CHID1: variants seen among roughly 807,000 people sequenced by gnomAD.
CHID1 encodes the protein chitinase domain-containing protein 1.
In CHID1, 44 loss-of-function variants were observed where a neutral mutation model predicts 55.4. That is an observed-to-expected ratio of 0.79 (90% CI 0.62 to 1.02). The LOEUF is 1.02. CHID1 is among the 50% of genes least tolerant of loss of function. The probability of loss-of-function intolerance (pLI) is 0.00; values close to 1 mark genes in which losing one functional copy is unlikely to be tolerated. For synonymous variants in CHID1, 216 were observed against 212.9 expected (o/e 1.01, Z -0.13); for missense variants, 491 against 515.3 (o/e 0.95, Z 0.46).
upstream of CHID1, chr11:914,610 G>A (rs532558726): frequency 4.8e-4 from 611 of 1,269,572 alleles, 5 homozygotes; most frequent in African/African-American, 8.4e-3. Flanking sequence ...GGCTCACGCC[G>A]TAATCCCAGC....
At chr11:898,329 C>G (rs989237586) in intron 7 of CHID1, among the ~76,000 whole-genome samples, 8 of 152,188 alleles carry the variant, frequency 5.3e-5, no homozygotes, top group African/African-American at 1.9e-4. Context: ...GCTCTTAAAG[C>G]CCAACCAGAA....
At chr11:895,233 C>G (rs903589174) in intron 7 of CHID1, among the ~76,000 whole-genome samples, 2 of 152,198 alleles carry the variant, frequency 1.3e-5, no homozygotes, top group Non-Finnish European at 2.9e-5. Flanking sequence ...CTGCAGGTAC[C>G]CACAGCTCCC....
At chr11:871,856 C>G (rs1468658059) in intron 10 of CHID1, among the ~76,000 whole-genome samples, 1 of 152,138 alleles carries the variant, frequency 6.6e-6, no homozygotes, top group East Asian at 1.9e-4. Flanking sequence ...TGCTCCTGCC[C>G]AGGAGTAGTG....
chr11:907,338 A>G (rs1852309746), intron 1 of CHID1, among the ~76,000 whole-genome samples: 1 of 152,148 alleles, frequency 6.6e-6, no homozygotes, highest in Admixed American at 6.5e-5. Context: ...AAAATTAGCC[A>G]GGCATGGTGG....
intron 8 of CHID1, 109 bp from the exon 9 acceptor site, chr11:884,278 A>T (rs1328916985): frequency 5.3e-6 from 4 of 747,808 alleles, no homozygotes; most frequent in Non-Finnish European, 8.8e-6. Flanking sequence ...ACTTTTCCCA[A>T]GGGGAAAAGT....
rs1230394922 is a variant in CHID1, at chr11:910,807, G to A, written c.-76C>T. The A allele has an allele frequency of 1.9e-5, 21 of 1,108,426 alleles. No homozygotes were observed. Among genetic ancestry groups the A allele is most frequent in the Non-Finnish European group, 2.3e-5 (21 of 902,198 alleles). The allele number at this position is 1,108,426 out of a possible 1,614,324, so 68.7% of individuals were successfully genotyped here. A position where few individuals can be genotyped will look rare whatever the true frequency, so the allele number is the denominator to read the frequency against. On this transcript the variant is annotated 5_prime_UTR_variant, in exon 1 of 13. Transcript: ENST00000323578. ...TCAGGGAGGCCGGACGGCCACAAAC[G>A]CACGGCCGGAAAACGCTCCAGCGCG...
intron 8 of CHID1, among the ~76,000 whole-genome samples, chr11:884,378 C>G (rs1173595691): frequency 6.6e-6 from 1 of 152,142 alleles, no homozygotes; most frequent in Non-Finnish European, 1.5e-5. Flanking sequence ...CATCGGGGCC[C>G]AGAGGCCTCT....
chr11:870,481 C>T lies in CHID1; in HGVS notation c.978G>A (p.Lys326=). 6.2e-7 allele frequency: 1 copy of T among 1,611,014 alleles called. No homozygotes were observed. Among genetic ancestry groups the T allele is most frequent in the Non-Finnish European group, 8.5e-7 (1 of 1,178,864 alleles). Residue 326 remains lysine, a synonymous_variant, in exon 11 of 13, where the codon AAG becomes AAA. Coordinates refer to ENST00000323578, the MANE Select transcript of CHID1 (RefSeq NM_023947.4). ...VVGARYIQTL[K]DHRPRMVWDS... is the part of the protein sequence containing the mutation. ...CCCACACCATCCGGGGCCTGTGGTC[C>T]TTCAGTGTCTGGATGTACCTGGGGA...
At chr11:890,129 C>T (rs1376854178) in intron 8 of CHID1, among the ~76,000 whole-genome samples, 3 of 152,250 alleles carry the variant, frequency 2.0e-5, no homozygotes, top group Admixed American at 2.0e-4. Context: ...CAGGCCTAGC[C>T]CGCTCCCTGA....
Position 869,226 on chromosome 11 carries a change from A to G in CHID1, c.*632T>C, listed in dbSNP as rs1012213704. 56 of 153,302 alleles carry G rather than the reference A, an allele frequency of 3.7e-4. 1 individual carries two copies. Among genetic ancestry groups the G allele is most frequent in the Non-Finnish European group, 1.0e-4 (7 of 69,056 alleles). The allele number at this position is 153,302 out of a possible 1,614,324, so 9.5% of individuals were successfully genotyped here. A position where few individuals can be genotyped will look rare whatever the true frequency, so the allele number is the denominator to read the frequency against. The stretch of plus-strand genomic sequence containing the variant: ...GGGGTCGTGCTACCTGAGGCGGCAG[A>G]GCTGAGCCAAGGTCCAGGACCAGTT... On this transcript the variant is annotated 3_prime_UTR_variant, in exon 13 of 13. Coordinates refer to ENST00000323578, the MANE Select transcript of CHID1 (RefSeq NM_023947.4).
intron 7 of CHID1, among the ~76,000 whole-genome samples, chr11:896,990 T>C (rs944395687): frequency 0.017 from 324 of 19,058 alleles, no homozygotes; most frequent in South Asian, 0.019. Flanking sequence ...CCAGCCTCCA[T>C]CCCAGACACG....
At chr11:903,436 C>T (rs1851973207) in intron 2 of CHID1, among the ~76,000 whole-genome samples, 1 of 152,232 alleles carries the variant, frequency 6.6e-6, no homozygotes, top group Non-Finnish European at 1.5e-5. Flanking sequence ...CAGCTCTGGC[C>T]ACTCGATACC....
chr11:885,220 C>G (rs1850304579), intron 8 of CHID1, among the ~76,000 whole-genome samples: 1 of 152,184 alleles, frequency 6.6e-6, no homozygotes, highest in Admixed American at 6.5e-5. Flanking sequence ...ACGCCAAGGG[C>G]CTCAGTGCTG....
At chr11:879,455 G>A (rs1849736689) in intron 10 of CHID1, among the ~76,000 whole-genome samples, 1 of 34,270 alleles carries the variant, frequency 2.9e-5, no homozygotes, top group South Asian at 2.9e-3. Flanking sequence ...ATAAGAAGAG[G>A]AGAAGAGGAC....
At chr11:872,752 C>T (rs1849260149) in intron 10 of CHID1, among the ~76,000 whole-genome samples, 1 of 152,224 alleles carries the variant, frequency 6.6e-6, no homozygotes, top group African/African-American at 2.4e-5. Context: ...TGCTGGGTGG[C>T]TCTGTGAGAA....
At chr11:913,627 G>T (rs1852808690), upstream of CHID1, among the ~76,000 whole-genome samples, 2 of 151,612 alleles carry the variant, frequency 1.3e-5, no homozygotes, top group Non-Finnish European at 2.9e-5. Context: ...CAAAAAAGTA[G>T]CCGGGCTTGG....
At chr11:872,638 T>C (rs535857624) in intron 10 of CHID1, among the ~76,000 whole-genome samples, 74 of 152,358 alleles carry the variant, frequency 4.9e-4, no homozygotes, top group Admixed American at 1.4e-3. Context: ...GCTGCCAGCA[T>C]AGCCACAACC....
At chr11:870,853 C>T (rs1160393880) in intron 10 of CHID1, 2 of 234,466 alleles carry the variant, frequency 8.5e-6, no homozygotes, top group Non-Finnish European at 8.5e-6. Flanking sequence ...TGTCCAGACC[C>T]CAGGTGAGAG....
chr11:885,596 C>T (rs1850331591), intron 8 of CHID1, among the ~76,000 whole-genome samples: 1 of 152,206 alleles, frequency 6.6e-6, no homozygotes, highest in African/African-American at 2.4e-5. Context: ...CCCTCAGTGC[C>T]TGGGCCCTTC....
Sources: allele counts gnomAD v4.1 joint callset (sites outside exome capture counted in the v4.1 genomes callset), GRCh38; gene constraint gnomAD v4.1.1; transcripts MANE v1.5; gene names NCBI Gene and HGNC (gene_info 2026-07-23, HGNC 2026-07-21).